The following PCDHA10 variants were observed in gnomAD, a reference collection of about 807,000 sequenced individuals.
PCDHA10 encodes the protein protocadherin alpha 10, also known as protocadherin alpha-10.
In PCDHA10, 45 loss-of-function variants were observed where a neutral mutation model predicts 61.2. That is an observed-to-expected ratio of 0.74 (90% CI 0.58 to 0.94). PCDHA10 has a LOEUF of 0.94. Ranked by LOEUF, PCDHA10 falls within the 40% of genes least tolerant of loss-of-function variation. The probability of loss-of-function intolerance (pLI) is 0.00; values close to 1 mark genes in which losing one functional copy is unlikely to be tolerated. For synonymous variants in PCDHA10, 602 were observed against 548.8 expected (o/e 1.10, Z -1.35); for missense variants, 1,278 against 1,236.2 (o/e 1.03, Z -0.51).
chr5:140,967,998 G>A lies in PCDHA10; in HGVS notation c.2389-10951G>A, dbSNP rs1554230183. The A allele has an allele frequency of 1.9e-6, 3 of 1,614,040 alleles. No individual in the cohort carries two copies. Among genetic ancestry groups the A allele is most frequent in the African/African-American group, 1.3e-5 (1 of 74,916 alleles). The stretch of plus-strand genomic sequence containing the variant: ...GGTCTGGAGGCCACACTGCCTTTCC[G>A]ACTGAATGGCTTTGGAAACTCCTAT... On this transcript the variant is annotated intron_variant, in intron 1 of 3. Transcript: ENST00000307360.
chr5:140,878,047 G>A lies in PCDHA10; in HGVS notation c.2388+19611G>A, dbSNP rs574540860. On this transcript the variant is annotated intron_variant, in intron 1 of 3. Transcript: ENST00000307360. Reference sequence around the variant, plus strand: ...ATGTAGGTACAATGGAGGCCATGGAGCACCACACTTAATATTTTTCTTTTT... The same window carrying A: ...ATGTAGGTACAATGGAGGCCATGGAACACCACACTTAATATTTTTCTTTTT... The A allele has an allele frequency of 1.7e-4, 84 of 491,464 alleles. No homozygotes were observed. In the South Asian group the frequency reaches 4.9e-3, roughly 29 times the overall value. 30.4% of individuals were successfully genotyped at this position (491,464 alleles called of 1,614,324 possible).
At chr5:140,916,628 C>T (rs1311862991) in intron 1 of PCDHA10, among the ~76,000 whole-genome samples, 1 of 152,188 alleles carries the variant, frequency 6.6e-6, no homozygotes, top group Non-Finnish European at 1.5e-5. Context: ...ACTCAATGCC[C>T]TATCCTACTG....
At chr5:140,954,149 G>A (rs1301810560) in intron 1 of PCDHA10, among the ~76,000 whole-genome samples, 2 of 152,204 alleles carry the variant, frequency 1.3e-5, no homozygotes, top group Non-Finnish European at 2.9e-5. Flanking sequence ...ATTCCATGGT[G>A]TATATGTACC....
At chr5:140,915,015 G>T (rs1469800021) in intron 1 of PCDHA10, among the ~76,000 whole-genome samples, 3 of 146,766 alleles carry the variant, frequency 2.0e-5, no homozygotes, top group Non-Finnish European at 4.5e-5. Flanking sequence ...GCCTGATCTT[G>T]GCTCACTGCA....
chr5:141,009,736 G>T lies in PCDHA10; in HGVS notation c.2646G>T (p.Leu882Phe). 1 of 1,614,086 alleles carries T rather than the reference G, an allele frequency of 6.2e-7. No homozygotes were observed. Among genetic ancestry groups the T allele is most frequent in the East Asian group, 2.2e-5 (1 of 44,872 alleles). Residue 882 changes from leucine to phenylalanine, a missense_variant, in exon 4 of 4, where the codon TTG becomes TTT. Leu to Phe is a conservative substitution (Grantham distance 22). Transcript: ENST00000307360. ...GNPKQSGPGE[L>F]PDKFIIPGSP... ...CCAAACAATCCGGTCCCGGTGAGTT[G>T]CCCGACAAATTCATTATCCCAGGAT...
At position 141,011,373 on chromosome 5, in the gene PCDHA10, TAA is replaced by T. The variant is rs1299941460; in HGVS notation, c.*1437_*1438del. The T allele has an allele frequency of 1.3e-5, 2 of 153,792 alleles. No homozygotes were observed. Among genetic ancestry groups the T allele is most frequent in the Non-Finnish European group, 2.9e-5 (2 of 68,046 alleles). The allele number at this position is 153,792 out of a possible 1,614,324, so 9.5% of individuals were successfully genotyped here. A position where few individuals can be genotyped will look rare whatever the true frequency, so the allele number is the denominator to read the frequency against. The stretch of plus-strand genomic sequence containing the variant: ...CCCATATGTATGCTGTATGCTATGC[TAA>T]GACTCCTGAAATATACTTACTCTGT... On this transcript the variant is annotated 3_prime_UTR_variant, in exon 4 of 4. Coordinates refer to ENST00000307360, the MANE Select transcript of PCDHA10 (RefSeq NM_018901.4).
chr5:140,925,076 A>G (rs1388489555), intron 1 of PCDHA10, among the ~76,000 whole-genome samples: 2 of 148,798 alleles, frequency 1.3e-5, no homozygotes, highest in Non-Finnish European at 3.0e-5. Context: ...CAACACGCTC[A>G]TCTGGAAAGG....
intron 3 of PCDHA10, among the ~76,000 whole-genome samples, chr5:141,007,680 C>G (rs1179621299): frequency 1.3e-5 from 2 of 152,148 alleles, no homozygotes; most frequent in African/African-American, 4.8e-5. Flanking sequence ...CAAAAGTTAT[C>G]CTACTTCCAC....
Position 140,856,541 on chromosome 5 carries a change from G to GCATT in PCDHA10, c.494_497dup (p.Leu166PhefsTer11). The GCATT allele has an allele frequency of 2.5e-6, 4 of 1,598,164 alleles. No homozygotes were observed. Among genetic ancestry groups the GCATT allele is most frequent in the Non-Finnish European group, 3.4e-6 (4 of 1,167,670 alleles). On this transcript the variant is annotated frameshift_variant, in exon 1 of 4. Transcript: ENST00000307360. LOFTEE classifies it high-confidence loss of function. ...ATCTGATGCGGATGTTGGAGAGAAC[G>GCATT]CATTGCTTACTTACAAACTCAGTCC...
At chr5:140,957,221 C>T (rs1171404836) in intron 1 of PCDHA10, among the ~76,000 whole-genome samples, 3 of 151,984 alleles carry the variant, frequency 2.0e-5, no homozygotes, top group Non-Finnish European at 4.4e-5. Flanking sequence ...AAAAATTTGG[C>T]GAAGCATTTT....
chr5:140,966,330 G>A, intron 1 of PCDHA10: 2 of 393,050 alleles, frequency 5.1e-6, no homozygotes, highest in Non-Finnish European at 9.0e-6. Context: ...CTGGGATCCG[G>A]CAGGTCCAGG....
At chr5:140,986,480 T>A (rs781884269) in intron 3 of PCDHA10, among the ~76,000 whole-genome samples, 16 of 152,200 alleles carry the variant, frequency 1.1e-4, no homozygotes, top group Non-Finnish European at 1.5e-4. Flanking sequence ...GATCAGTTCC[T>A]AGGGCAATCC....
intron 1 of PCDHA10, chr5:140,882,573 G>A (rs2059201802): frequency 2.5e-6 from 4 of 1,614,234 alleles, no homozygotes; most frequent in Non-Finnish European, 3.4e-6. Flanking sequence ...AGCGCGGAGT[G>A]CAGCATCCAC....
intron 1 of PCDHA10, among the ~76,000 whole-genome samples, chr5:140,900,334 G>A (rs552378783): frequency 4.2e-4 from 64 of 152,060 alleles, no homozygotes; most frequent in East Asian, 1.6e-3. Context: ...CTGGAGTACC[G>A]TGGCGCAATC....
chr5:140,908,861 T>C (rs1554193539), intron 1 of PCDHA10, among the ~76,000 whole-genome samples: 1 of 152,160 alleles, frequency 6.6e-6, no homozygotes, highest in Admixed American at 6.5e-5. Flanking sequence ...AAATGAGGAA[T>C]GTGTTGCCTC....
At chr5:141,005,572 C>G (rs548748234) in intron 3 of PCDHA10, among the ~76,000 whole-genome samples, 59 of 150,976 alleles carry the variant, frequency 3.9e-4, no homozygotes, top group Non-Finnish European at 7.7e-4. Context: ...CATGGTGGCG[C>G]GTGCCTGTAG....
chr5:140,969,586 C>A lies in PCDHA10; in HGVS notation c.2389-9363C>A. The A allele has an allele frequency of 3.4e-6, 3 of 894,952 alleles. No homozygotes were observed. In the Admixed American group the frequency reaches 9.0e-5, roughly 27 times the overall value. The allele number at this position is 894,952 out of a possible 1,614,324, so 55.4% of individuals were successfully genotyped here. A position where few individuals can be genotyped will look rare whatever the true frequency, so the allele number is the denominator to read the frequency against. ...AATTGTTTGAGAAGTGAGGATTAGT[C>A]TTAATATTTAATGCTAAAACACAGA... On this transcript the variant is annotated intron_variant, in intron 1 of 3. Transcript: ENST00000307360.
intron 3 of PCDHA10, among the ~76,000 whole-genome samples, chr5:141,006,862 A>G (rs1188678069): frequency 4.6e-5 from 7 of 152,244 alleles, no homozygotes; most frequent in Non-Finnish European, 1.0e-4. Flanking sequence ...TTAGAAAGGA[A>G]TAGATTCGAG....
chr5:140,925,151 T>G (rs1378736882), intron 1 of PCDHA10, among the ~76,000 whole-genome samples: 3 of 151,748 alleles, frequency 2.0e-5, no homozygotes, highest in African/African-American at 7.3e-5. Context: ...ACACAAAAGT[T>G]GAGAGAATTG....
Sources: gnomAD v4.1 joint callset for allele counts (sites outside exome capture counted in the v4.1 genomes callset) on GRCh38, gnomAD v4.1.1 for gene constraint, MANE v1.5 for transcripts, NCBI Gene and HGNC (gene_info 2026-07-23, HGNC 2026-07-21) for gene names.